The following ABCA13 variants were observed in gnomAD, a reference collection of about 807,000 sequenced individuals.
ABCA13 encodes ATP-binding cassette sub-family A member 13.
A neutral mutation model predicts 478.7 loss-of-function variants in ABCA13; 476 were observed. The ratio of observed to expected loss-of-function variants is 0.99; its 90% CI spans 0.92 to 1.07. ABCA13 has a LOEUF of 1.07. Among genes scored for constraint, ABCA13 ranks in the 50% least tolerant of loss-of-function variants. ABCA13 has a pLI of 0.00. For missense variants in ABCA13, 6,060 were observed against 5,910.6 expected (o/e 1.03, Z -0.83); for synonymous variants, 2,252 against 2,158.9 (o/e 1.04, Z -1.20).
chr7:48,289,061 C>G (rs990028504), intron 20 of ABCA13, among the ~76,000 whole-genome samples: 1 of 151,916 alleles, frequency 6.6e-6, no homozygotes, highest in East Asian at 1.9e-4. Flanking sequence ...TAGATGATGC[C>G]GAGAGAGATG....
At position 48,278,688 on chromosome 7, in the gene ABCA13, G is replaced by A. The variant is rs1796615644; in HGVS notation, c.7494G>A (p.Met2498Ile). Residue 2498 changes from methionine to isoleucine, a missense_variant, in exon 18 of 62, where the codon ATG becomes ATA. Transcript: ENST00000435803. ...ACGTCCTGAAACCCCTCTTAGAAAT[G>A]TCTGGGACTCTGGTCATGCTGTTGA... ...ESHVLKPLLE[M>I]SGTLVMLLND... 3 of 1,613,766 alleles carry A rather than the reference G, an allele frequency of 1.9e-6. No individual in the cohort carries two copies. Among genetic ancestry groups the A allele is most frequent in the Admixed American group, 3.3e-5 (2 of 60,002 alleles).
intron 42 of ABCA13, among the ~76,000 whole-genome samples, chr7:48,454,586 C>A (rs6969037): frequency 6.6e-6 from 1 of 151,918 alleles, no homozygotes; most frequent in Non-Finnish European, 1.5e-5. Context: ...CCGGGAGGAG[C>A]GGGGGCGGGG....
At chr7:48,208,907 TCCCCTG>T (rs1170837900) in intron 3 of ABCA13, among the ~76,000 whole-genome samples, 1 of 152,162 alleles carries the variant, frequency 6.6e-6, no homozygotes, top group Non-Finnish European at 1.5e-5. Flanking sequence ...TCTTCAGTTT[TCCCCTG>T]TTCAGTATGC....
rs1434538894 is a variant in ABCA13, at chr7:48,221,309, A to G, written c.468A>G (p.Thr156=). 4.3e-6 allele frequency: 5 copies of G among 1,152,382 alleles called. No individual in the cohort carries two copies. In the African/African-American group the frequency reaches 6.2e-5, roughly 14 times the overall value. The allele number at this position is 1,152,382 out of a possible 1,614,324, so 71.4% of individuals were successfully genotyped here. A position where few individuals can be genotyped will look rare whatever the true frequency, so the allele number is the denominator to read the frequency against. Reference sequence around the variant, plus strand: ...CTTCTTATGGTTCCAGTTTTTTTACAGTAAGTATCTTAACAATAGTTTGAA... The same window carrying G: ...CTTCTTATGGTTCCAGTTTTTTTACGGTAAGTATCTTAACAATAGTTTGAA... ...PDSSYGSSFF[T]MDLNKTEEVI... is the part of the protein sequence containing the mutation. Residue 156 remains threonine (T), a splice_region_variant and synonymous_variant, in exon 5 of 62, where the codon ACA becomes ACG. Transcript: ENST00000435803.
At chr7:48,309,276 C>A (rs532426610) in intron 23 of ABCA13, among the ~76,000 whole-genome samples, 1 of 152,150 alleles carries the variant, frequency 6.6e-6, no homozygotes, top group South Asian at 2.1e-4. Context: ...AAACATGGAG[C>A]AGGAAGTATG....
intron 35 of ABCA13, among the ~76,000 whole-genome samples, chr7:48,379,590 C>T (rs994459340): frequency 3.3e-5 from 5 of 150,272 alleles, no homozygotes; most frequent in South Asian, 2.1e-4. Flanking sequence ...GGAATAAGTT[C>T]GGATTTAAAA....
Position 48,372,474 on chromosome 7 carries a change from A to T in ABCA13, c.11110A>T (p.Ser3704Cys). ...IVLLVLHNQL[S>C]FVNQTFLCLL... ...TCTATTGGTTCTACATAACCAATTAAGTTTTGTTAATCAGACATTTCTGGT... is the reference window on the plus strand; with the variant it reads ...TCTATTGGTTCTACATAACCAATTATGTTTTGTTAATCAGACATTTCTGGT... Residue 3704 changes from serine to cysteine, a missense_variant, in exon 33 of 62, where the codon AGT becomes TGT. Coordinates refer to ENST00000435803, the MANE Select transcript of ABCA13 (RefSeq NM_152701.5). The T allele has an allele frequency of 1.3e-6, 2 of 1,577,854 alleles. No homozygotes were observed. The highest frequency in any genetic ancestry group is 2.3e-5 in the South Asian group (2 of 85,740).
Position 48,599,096 on chromosome 7 carries a change from A to G in ABCA13, c.14744+4283A>G, listed in dbSNP as rs538039716. On this transcript the variant is annotated intron_variant, in intron 58 of 61. Transcript: ENST00000435803. The stretch of plus-strand genomic sequence containing the variant: ...TATGGTTGTTTTCTATTAAGTTTTG[A>G]AAACAGTAAGTGTTATTCCTTCAGC... Among the ~76,000 whole-genome samples the G allele has an allele frequency of 2.4e-3, 256 of 108,210 alleles. 1 individual carries two copies. Among genetic ancestry groups the G allele is most frequent in the African/African-American group, 7.7e-3 (231 of 30,132 alleles). 71.0% of individuals were successfully genotyped at this position (108,210 alleles called of 152,430 possible).
intron 6 of ABCA13, 89 bp from the exon 7 acceptor site, chr7:48,229,736 G>C: frequency 1.3e-6 from 2 of 1,509,784 alleles, no homozygotes; most frequent in Non-Finnish European, 1.8e-6. Context: ...TAGGGGCCCA[G>C]TCCATGGGAT....
In ABCA13 at chr7:48,293,192, G is replaced by GCCCCCCCCC. The variant is rs367570188; in HGVS notation, c.8956-2506_8956-2498dup. ...TTCATCATTTCCTGAGAAGTCTTCA[G>GCCCCCCCCC]CCCCCCCCCCGCCACACACACACTA... On this transcript the variant is annotated intron_variant, in intron 20 of 61. Coordinates refer to ENST00000435803, the MANE Select transcript of ABCA13 (RefSeq NM_152701.5). Among the ~76,000 whole-genome samples, 61 of 108,298 alleles carry GCCCCCCCCC rather than the reference G, an allele frequency of 5.6e-4. 2 individuals are homozygous for GCCCCCCCCC. Among genetic ancestry groups the GCCCCCCCCC allele is most frequent in the East Asian group, 1.2e-3 (3 of 2,412 alleles). 71.0% of individuals were successfully genotyped at this position (108,298 alleles called of 152,430 possible).
chr7:48,531,818 G>A (rs1340252154), intron 55 of ABCA13, among the ~76,000 whole-genome samples: 2 of 147,404 alleles, frequency 1.4e-5, no homozygotes, highest in Non-Finnish European at 3.0e-5. Flanking sequence ...TTGGTGTATA[G>A]CAGAGCTACT....
intron 22 of ABCA13, 119 bp downstream of exon 22, chr7:48,297,430 T>C (rs1017801912): frequency 1.0e-6 from 1 of 994,076 alleles, no homozygotes; most frequent in Non-Finnish European, 1.5e-6. Context: ...TACATAATCA[T>C]TTACAACTTG....
In ABCA13 at chr7:48,647,421, C is replaced by G; in HGVS notation, c.*1909C>G. ...TGTAATCTTTTTATGATTGTTGAATCAATAAATACCAATTTGTGAAACATG... is the reference window on the plus strand; with the variant it reads ...TGTAATCTTTTTATGATTGTTGAATGAATAAATACCAATTTGTGAAACATG... On this transcript the variant is annotated 3_prime_UTR_variant, in exon 62 of 62. Transcript: ENST00000435803. The G allele has an allele frequency of 6.6e-6, 1 of 152,108 alleles. No homozygotes were observed. The highest frequency in any genetic ancestry group is 1.5e-5 in the Non-Finnish European group (1 of 68,022). The allele number at this position is 152,108 out of a possible 1,614,324, so 9.4% of individuals were successfully genotyped here. A position where few individuals can be genotyped will look rare whatever the true frequency, so the allele number is the denominator to read the frequency against.
chr7:48,476,712 T>C (rs926847252), intron 45 of ABCA13, among the ~76,000 whole-genome samples: 7 of 152,166 alleles, frequency 4.6e-5, no homozygotes, highest in African/African-American at 1.4e-4. Flanking sequence ...TAATCTTTTG[T>C]TGGGGACAGA....
rs763339803 is a variant in ABCA13, at chr7:48,278,602, G to A, written c.7408G>A (p.Ala2470Thr). ...TAATTCATTCCCTCTAAGAAACAGAGCAACATTAGAAATTACTAAGAGATT... is the reference window on the plus strand; with the variant it reads ...TAATTCATTCCCTCTAAGAAACAGAACAACATTAGAAATTACTAAGAGATT... The part of the protein sequence containing the change: ...INNSFPLRNR[A>T]TLEITKRLVG... The change falls in exon 18 of 62, where the codon GCA becomes ACA. Residue 2470 changes from alanine to threonine, a missense_variant. Around this residue, in one of 3 missense-constraint regions of ABCA13, gnomAD observed 4,423 missense variants for 4,309.1 expected, o/e 1.03. Coordinates refer to ENST00000435803, the MANE Select transcript of ABCA13 (RefSeq NM_152701.5). 2 of 1,613,836 alleles carry A rather than the reference G, an allele frequency of 1.2e-6. No individual in the cohort carries two copies. Among genetic ancestry groups the A allele is most frequent in the Admixed American group, 3.3e-5 (2 of 60,000 alleles).
chr7:48,200,340 C>T (rs6948004), intron 3 of ABCA13, among the ~76,000 whole-genome samples: 30,861 of 152,126 alleles, frequency 0.2, 3,377 homozygotes, highest in Middle Eastern at 0.25. Flanking sequence ...GCACTCCAGC[C>T]TGGGTGACAG....
chr7:48,330,871 G>A (rs901609837), intron 27 of ABCA13, among the ~76,000 whole-genome samples: 2 of 152,144 alleles, frequency 1.3e-5, no homozygotes, highest in Non-Finnish European at 2.9e-5. Context: ...TTATTAGTAT[G>A]AAGTGCATTG....
intron 38 of ABCA13, among the ~76,000 whole-genome samples, chr7:48,394,299 C>G (rs118082969): frequency 0.011 from 1,707 of 152,320 alleles, 15 homozygotes; most frequent in Middle Eastern, 0.031. Context: ...TCTTGCTTTA[C>G]CTGATCCTTC....
chr7:48,434,823 A>G (rs987111052), intron 42 of ABCA13, among the ~76,000 whole-genome samples: 3 of 151,844 alleles, frequency 2.0e-5, no homozygotes, highest in Non-Finnish European at 2.9e-5. Context: ...ATATATGTGA[A>G]CATTTTCTTC....
Sources: gnomAD v4.1 joint callset for allele counts (sites outside exome capture counted in the v4.1 genomes callset) on GRCh38, gnomAD v4.1.1 for gene constraint, gnomAD v4.1.1 regional missense constraint, MANE v1.5 for transcripts, NCBI Gene and HGNC (gene_info 2026-07-23, HGNC 2026-07-21) for gene names.